The following VDR variants were observed in gnomAD, a reference collection of about 807,000 sequenced individuals.
VDR encodes vitamin D3 receptor.
VDR carries 19 observed loss-of-function variants against 39.7 expected under a neutral mutation model. The observed-to-expected ratio is 0.48, with a 90% CI of 0.33 to 0.70. The LOEUF (loss-of-function observed/expected upper bound fraction) is 0.70. VDR is among the 30% of genes least tolerant of loss of function. The pLI is 0.02. For synonymous variants in VDR, 242 were observed against 215.8 expected (o/e 1.12, Z -1.07); for missense variants, 442 against 570.5 (o/e 0.77, Z 2.29).
In VDR at chr12:47,865,086, G is replaced by A; in HGVS notation, c.238C>T (p.Arg80Trp). The stretch of plus-strand genomic sequence containing the variant: ...CCGATGTCCACACAGCGTTTGAGCC[G>A]GCAGGCCTGGCAGTGGCGTCGGTTG... ...KDNRRHCQAC[R>W]LKRCVDIGMM... is the part of the protein sequence containing the mutation. The change falls in exon 4 of 10, where the codon CGG becomes TGG. Residue 80 changes from arginine to tryptophan, a missense_variant. By Grantham distance (101) the Arg-to-Trp change is moderately radical. Coordinates refer to ENST00000549336, the MANE Select transcript of VDR (RefSeq NM_000376.3). 1.9e-6 allele frequency: 3 copies of A among 1,613,934 alleles called. No individual in the cohort carries two copies. Among genetic ancestry groups the A allele is most frequent in the Non-Finnish European group, 2.5e-6 (3 of 1,179,806 alleles).
chr12:47,900,940 A>G (rs948018241), intron 1 of VDR, among the ~76,000 whole-genome samples: 2 of 152,172 alleles, frequency 1.3e-5, no homozygotes, highest in African/African-American at 2.4e-5. Flanking sequence ...CACTTAGTCT[A>G]TTCCCTGGCA....
chr12:47,894,913 G>A (rs1179807728), intron 1 of VDR, among the ~76,000 whole-genome samples: 2 of 152,204 alleles, frequency 1.3e-5, no homozygotes, highest in Non-Finnish European at 2.9e-5. Context: ...GGGCATGAGG[G>A]CGGCAGGACA....
At chr12:47,883,968 C>T (rs35132139) in intron 1 of VDR, among the ~76,000 whole-genome samples, 3 of 152,386 alleles carry the variant, frequency 2.0e-5, no homozygotes. Context: ...GAAGCATGGG[C>T]AGTGGGAGGT....
intron 3 of VDR, among the ~76,000 whole-genome samples, chr12:47,873,411 A>G (rs567152670): frequency 0.022 from 2,645 of 121,524 alleles, 50 homozygotes; most frequent in Middle Eastern, 0.034. Context: ...CCCACGCTGG[A>G]GTGCAGTGGC....
intron 3 of VDR, among the ~76,000 whole-genome samples, chr12:47,869,829 C>G (rs1945815684): frequency 6.6e-6 from 1 of 152,114 alleles, no homozygotes; most frequent in Non-Finnish European, 1.5e-5. Context: ...CTGGTGAGGT[C>G]AAGGCTGCAG....
chr12:47,849,490 G>A (rs1410781770), intron 7 of VDR, among the ~76,000 whole-genome samples: 1 of 152,154 alleles, frequency 6.6e-6, no homozygotes, highest in Non-Finnish European at 1.5e-5. Context: ...CTCATTTGTG[G>A]TTTACAGTTT....
intron 1 of VDR, 27 bp from the exon 2 acceptor site, chr12:47,882,801 A>C: frequency 1.3e-6 from 2 of 1,527,084 alleles, no homozygotes; most frequent in Non-Finnish European, 1.8e-6. Flanking sequence ...GAAACCTTTT[A>C]TCTAAGGCGG....
rs945520301 is a variant in VDR at position 47,864,960 on chromosome 12, C to A, written c.277+87G>T. On this transcript the variant is annotated intron_variant, in intron 4 of 9. Transcript: ENST00000549336. ...AGCTACAGAGGAAGGGCAGGCAGACCCTCTGCCCAAACTTGCAGGAGAGTG... is the reference window on the plus strand; with the variant it reads ...AGCTACAGAGGAAGGGCAGGCAGACACTCTGCCCAAACTTGCAGGAGAGTG... 7.5e-6 allele frequency: 12 copies of A among 1,589,742 alleles called. No individual in the cohort carries two copies. In the Admixed American group the frequency reaches 1.8e-4, roughly 24 times the overall value.
At chr12:47,885,534 C>G (rs1307467284) in intron 1 of VDR, among the ~76,000 whole-genome samples, 1 of 152,224 alleles carries the variant, frequency 6.6e-6, no homozygotes, top group African/African-American at 2.4e-5. Context: ...ATCAAAGTCC[C>G]TCATGGCTCA....
intron 1 of VDR, among the ~76,000 whole-genome samples, chr12:47,883,608 GACAA>G (rs754882217): frequency 8.7e-4 from 132 of 152,174 alleles, no homozygotes; most frequent in Admixed American, 2.2e-3. Context: ...TGCAGACATA[GACAA>G]ACAGACAGAC....
At chr12:47,896,148 G>C (rs905820716) in intron 1 of VDR, among the ~76,000 whole-genome samples, 6 of 152,236 alleles carry the variant, frequency 3.9e-5, no homozygotes, top group Non-Finnish European at 8.8e-5. Context: ...TGCATAGTCT[G>C]TGAGGAGTCC....
Position 47,842,600 on chromosome 12 carries a change from G to A in VDR, c.*2146C>T, listed in dbSNP as rs1404128378. 8 of 150,898 alleles carry A rather than the reference G, an allele frequency of 5.3e-5. No homozygotes were observed. The South Asian group carries it at 8.4e-4, about 16-fold the overall frequency. The allele number at this position is 150,898 out of a possible 1,614,324, so 9.3% of individuals were successfully genotyped here. On this transcript the variant is annotated 3_prime_UTR_variant, in exon 10 of 10. Transcript: ENST00000549336. ...AGCCTCCTGAGTAGCTGGGATTACA[G>A]GCTTGCGCCACCATGCCCGGCTATT...
At position 47,857,567 on chromosome 12, in the gene VDR, G is replaced by C. The variant is rs201001675; in HGVS notation, c.399C>G (p.Ala133=). 13 of 1,614,232 alleles carry C rather than the reference G, an allele frequency of 8.1e-6. No homozygotes were observed. The highest frequency in any genetic ancestry group is 1.6e-4 in the Middle Eastern group (1 of 6,062). The change falls in exon 5 of 10, where the codon GCC becomes GCG. Residue 133 remains alanine (A), a synonymous_variant. Coordinates refer to ENST00000549336, the MANE Select transcript of VDR (RefSeq NM_000376.3). ...KLSEEQQRII[A]ILLDAHHKTY... The stretch of plus-strand genomic sequence containing the variant: ...TCTTATGGTGGGCGTCCAGCAGTAT[G>C]GCAATGATGCGCTGCTGCTCCTCAG...
chr12:47,876,918 C>G (rs1209627149), intron 3 of VDR, among the ~76,000 whole-genome samples: 1 of 152,188 alleles, frequency 6.6e-6, no homozygotes, highest in Non-Finnish European at 1.5e-5. Flanking sequence ...AGCTGAATCT[C>G]AGGGGGGAGG....
At chr12:47,901,589 C>A (rs1946561549) in intron 1 of VDR, 2 of 154,642 alleles carry the variant, frequency 1.3e-5, no homozygotes, top group South Asian at 4.1e-4. Context: ...TGTCCTTTAT[C>A]AGAGTGGGCG....
intron 3 of VDR, among the ~76,000 whole-genome samples, chr12:47,878,425 C>T (rs572443925): frequency 3.3e-5 from 5 of 152,302 alleles, no homozygotes; most frequent in East Asian, 1.9e-4. Context: ...CAGGTACATT[C>T]CTGACACTGC....
At chr12:47,866,298 G>A (rs764084762) in intron 3 of VDR, among the ~76,000 whole-genome samples, 13 of 143,026 alleles carry the variant, frequency 9.1e-5, no homozygotes, top group African/African-American at 2.9e-4. Context: ...CAGTAGAGAC[G>A]GGGTTTCACT....
intron 1 of VDR, among the ~76,000 whole-genome samples, chr12:47,902,369 G>T (rs978310321): frequency 5.9e-5 from 9 of 152,206 alleles, no homozygotes; most frequent in Admixed American, 4.6e-4. Context: ...AGCCCAGCTG[G>T]ATCCTCTCAG....
chr12:47,845,096 T>A, intron 9 of VDR, 91 bp from the exon 10 acceptor site: 1 of 1,567,598 alleles, frequency 6.4e-7, no homozygotes, highest in Non-Finnish European at 8.6e-7. Flanking sequence ...ACACAGACAC[T>A]CAACGGCAGC....
Sources: allele counts gnomAD v4.1 joint callset (sites outside exome capture counted in the v4.1 genomes callset), GRCh38; gene constraint gnomAD v4.1.1; transcripts MANE v1.5; gene names NCBI Gene and HGNC (gene_info 2026-07-23, HGNC 2026-07-21).